TIPIN: variants seen among roughly 807,000 people sequenced by gnomAD.
TIPIN encodes TIMELESS-interacting protein.
A neutral mutation model predicts 35.6 loss-of-function variants in TIPIN; 29 were observed. That is an observed-to-expected ratio of 0.82 (90% CI 0.61 to 1.11). TIPIN has a LOEUF of 1.11. Among genes scored for constraint, TIPIN ranks in the 50% most tolerant of loss-of-function variants. TIPIN has a pLI of 0.00. For missense variants in TIPIN, 296 were observed against 345.4 expected, an observed-to-expected ratio of 0.86 and a Z score of 1.13; for synonymous variants, 102 against 121.5, an observed-to-expected ratio of 0.84 and a Z score of 1.06.
At chr15:66,385,335 T>C (rs1431878269) in intron 1 of TIPIN, among the ~76,000 whole-genome samples, 4 of 152,228 alleles carry the variant, frequency 2.6e-5, no homozygotes, top group African/African-American at 9.6e-5. Context: ...TCCTTTGTTC[T>C]GTACACCTAA....
intron 4 of TIPIN, among the ~76,000 whole-genome samples, chr15:66,350,824 A>G (rs529793525): frequency 6.6e-6 from 1 of 150,510 alleles, no homozygotes; most frequent in Non-Finnish European, 1.5e-5. Context: ...AGTCCCAGCT[A>G]CTCGGGAGGC....
intron 1 of TIPIN, among the ~76,000 whole-genome samples, chr15:66,375,832 G>C (rs960934799): frequency 3.5e-5 from 4 of 112,982 alleles, no homozygotes; most frequent in African/African-American, 5.6e-5. Context: ...TCTTGTCCAG[G>C]TGTTCATGCC....
intron 1 of TIPIN, among the ~76,000 whole-genome samples, chr15:66,374,061 T>C (rs1398506720): frequency 1.3e-5 from 2 of 152,164 alleles, no homozygotes; most frequent in Non-Finnish European, 2.9e-5. Flanking sequence ...TGTTCTTAAA[T>C]TGTGGTAAAA....
At chr15:66,382,865 G>C (rs897595196) in intron 1 of TIPIN, 25 of 755,028 alleles carry the variant, frequency 3.3e-5, no homozygotes, top group Middle Eastern at 6.8e-4. Flanking sequence ...ATATAGTTCA[G>C]TCTTATTCTT....
intron 6 of TIPIN, among the ~76,000 whole-genome samples, chr15:66,344,319 C>T (rs536978540): frequency 5.9e-5 from 9 of 151,896 alleles, no homozygotes; most frequent in Non-Finnish European, 1.0e-4. Context: ...AGGTGGCTCA[C>T]GCCTGTAATC....
At chr15:66,363,838 G>A (rs989774515) in intron 1 of TIPIN, among the ~76,000 whole-genome samples, 2 of 140,022 alleles carry the variant, frequency 1.4e-5, no homozygotes, top group Admixed American at 1.5e-4. Flanking sequence ...AAAAATTAGC[G>A]GGAGGTGGTG....
At chr15:66,367,641 C>T (rs1180039607) in intron 1 of TIPIN, among the ~76,000 whole-genome samples, 1 of 151,972 alleles carries the variant, frequency 6.6e-6, no homozygotes, top group East Asian at 1.9e-4. Context: ...GATCTGCCTG[C>T]CTCGGCCTCC....
At chr15:66,338,173 T>C (rs62627336) in intron 7 of TIPIN, among the ~76,000 whole-genome samples, 1,880 of 150,762 alleles carry the variant, frequency 0.012, 32 homozygotes, top group African/African-American at 0.042. Flanking sequence ...GGAGAATCGC[T>C]TGAACCTAGG....
At chr15:66,340,593 TTAAAA>T (rs921917801) in intron 7 of TIPIN, among the ~76,000 whole-genome samples, 1 of 152,110 alleles carries the variant, frequency 6.6e-6, no homozygotes, top group Non-Finnish European at 1.5e-5. Context: ...TTTCAAGTGA[TTAAAA>T]TAAATTCTTT....
chr15:66,371,373 G>A (rs1566984807), intron 1 of TIPIN: 1 of 985,024 alleles, frequency 1.0e-6, no homozygotes, highest in Non-Finnish European at 1.2e-6. Flanking sequence ...GTGTTTTAAT[G>A]TGAGAAAGGC....
At chr15:66,364,158 C>CTTT (rs747825457) in intron 1 of TIPIN, among the ~76,000 whole-genome samples, 63 of 73,766 alleles carry the variant, frequency 8.5e-4, no homozygotes, top group Non-Finnish European at 1.0e-3. Flanking sequence ...TCTTTCTTTT[C>CTTT]TTTTTTTTTT....
intron 6 of TIPIN, among the ~76,000 whole-genome samples, chr15:66,342,385 C>T (rs371690449): frequency 3.3e-5 from 5 of 151,936 alleles, no homozygotes; most frequent in Admixed American, 6.6e-5. Flanking sequence ...TTTTTTGAGA[C>T]GGAGTTTCAC....
At chr15:66,375,743 G>A (rs1038997287) in intron 1 of TIPIN, among the ~76,000 whole-genome samples, 2 of 148,814 alleles carry the variant, frequency 1.3e-5, no homozygotes, top group African/African-American at 2.5e-5. Context: ...GTTCCTCCCC[G>A]GAGACAAACA....
At position 66,341,952 on chromosome 15, in the gene TIPIN, G is replaced by A. The variant is rs181950456; in HGVS notation, c.476-596C>T. Among the ~76,000 whole-genome samples the A allele has an allele frequency of 6.4e-3, 970 of 152,290 alleles. 4 individuals carry two copies. The highest frequency in any genetic ancestry group is 0.011 in the Non-Finnish European group (723 of 68,010). ...TGTAATCCCAACACTTTGGGAAGCC[G>A]AGGCGGGTGGATCATGAGGTCAGGA... On this transcript the variant is annotated intron_variant, in intron 6 of 7. Transcript: ENST00000261881.
At position 66,337,061 on chromosome 15, in the gene TIPIN, A is replaced by G. The variant is rs754724009; in HGVS notation, c.803T>C (p.Ile268Thr). ...TTCCTCTTCATTTAAAGTATTGGCA[A>G]TAGCATCATTACATGGATTGTCCAG... ...DILDNPCNDA[I>T]ANTLNEEETL... The change falls in exon 8 of 8, where the codon ATT becomes ACT. Residue 268 changes from isoleucine to threonine, a missense_variant. By Grantham distance (89) the Ile-to-Thr change is moderately conservative. Transcript: ENST00000261881. 1.2e-6 allele frequency: 2 copies of G among 1,614,148 alleles called. No individual in the cohort carries two copies. The highest frequency in any genetic ancestry group is 8.5e-7 in the Non-Finnish European group (1 of 1,180,020).
At position 66,356,230 on chromosome 15, in the gene TIPIN, T is replaced by A. The variant is rs561268123; in HGVS notation, c.-9+409A>T. Reference sequence around the variant, plus strand: ...CGATGTCCCCCTTGGGTGCCATCCCTGAAACATCGAACCTCCCATACCTCT... The same window carrying A: ...CGATGTCCCCCTTGGGTGCCATCCCAGAAACATCGAACCTCCCATACCTCT... On this transcript the variant is annotated intron_variant, in intron 1 of 7. Coordinates refer to ENST00000261881, the MANE Select transcript of TIPIN (RefSeq NM_017858.3). Among the ~76,000 whole-genome samples, 17 of 152,232 alleles carry A rather than the reference T, an allele frequency of 1.1e-4. No individual in the cohort carries two copies. The South Asian group carries it at 3.3e-3, about 30-fold the overall frequency.
At chr15:66,349,007 G>T (rs1475621223) in intron 6 of TIPIN, 53 bp downstream of exon 6, 27 of 1,439,100 alleles carry the variant, frequency 1.9e-5, no homozygotes, top group Non-Finnish European at 2.4e-5. Flanking sequence ...ACCCTGCCTA[G>T]ATCTATTTCT....
rs774073117 is a variant in TIPIN, at chr15:66,349,105, G to A, written c.430C>T (p.Arg144Ter). 5.6e-6 allele frequency: 9 copies of A among 1,610,406 alleles called. No individual in the cohort carries two copies. Among genetic ancestry groups the A allele is most frequent in the African/African-American group, 1.3e-5 (1 of 74,822 alleles). The change falls in exon 6 of 8, where the codon CGA (arginine) becomes TGA (stop). Residue 144 changes from arginine (R) to a stop codon, truncating the protein, a stop_gained. Coordinates refer to ENST00000261881, the MANE Select transcript of TIPIN (RefSeq NM_017858.3). LOFTEE classifies it high-confidence loss of function. ...TCATGTAAAATAGGGAGATCAAGTC[G>A]AATTCGTTTTAAACAGGTCTGAAAA... ...KEVQTCLKRI[R>*]LDLPILHEDF...
intron 7 of TIPIN, 63 bp downstream of exon 7, chr15:66,341,087 T>G: frequency 6.7e-7 from 1 of 1,489,556 alleles, no homozygotes; most frequent in East Asian, 2.3e-5. Flanking sequence ...GCAGAGAAGT[T>G]AAAATTTCTA....
Sources: gnomAD v4.1 joint callset for allele counts (sites outside exome capture counted in the v4.1 genomes callset) on GRCh38, gnomAD v4.1.1 for gene constraint, MANE v1.5 for transcripts, NCBI Gene and HGNC (gene_info 2026-07-23, HGNC 2026-07-21) for gene names.